SPOCK3: variants seen among roughly 807,000 people sequenced by gnomAD.
SPOCK3 encodes the protein SPARC (osteonectin), cwcv and kazal like domains proteoglycan 3, also known as testican-3.
In SPOCK3, 30 loss-of-function variants were observed where a neutral mutation model predicts 56.6. The observed-to-expected ratio is 0.53, with a 90% CI of 0.40 to 0.72. The LOEUF is 0.72. Ranked by LOEUF, SPOCK3 falls within the 30% of genes least tolerant of loss-of-function variation. SPOCK3 has a pLI of 0.00. For missense variants in SPOCK3, 527 were observed against 530.0 expected (o/e 0.99, Z 0.06); for synonymous variants, 196 against 183.3 (o/e 1.07, Z -0.56).
chr4:167,051,295 C>T (rs1480910996), intron 3 of SPOCK3, among the ~76,000 whole-genome samples: 4 of 152,152 alleles, frequency 2.6e-5, no homozygotes, highest in African/African-American at 9.7e-5. Context: ...CTGAGAATCA[C>T]TTCTCTAGCC....
At chr4:166,857,457 C>T (rs901652130) in intron 6 of SPOCK3, among the ~76,000 whole-genome samples, 6 of 152,270 alleles carry the variant, frequency 3.9e-5, no homozygotes, top group Admixed American at 1.3e-4. Flanking sequence ...GCTCCAGCTT[C>T]GGTATTTCAT....
chr4:167,095,597 A>G (rs1427943203), intron 2 of SPOCK3, among the ~76,000 whole-genome samples: 2 of 151,924 alleles, frequency 1.3e-5, no homozygotes, highest in Non-Finnish European at 2.9e-5. Context: ...GAAGTTACCA[A>G]TATCAAAATA....
At chr4:167,166,128 T>C (rs1361979740) in intron 2 of SPOCK3, among the ~76,000 whole-genome samples, 2 of 152,084 alleles carry the variant, frequency 1.3e-5, no homozygotes, top group Non-Finnish European at 2.9e-5. Context: ...GGAAAATTAC[T>C]ACTGTTATAA....
chr4:167,076,279 T>C (rs1188676713), intron 2 of SPOCK3, among the ~76,000 whole-genome samples: 2 of 151,846 alleles, frequency 1.3e-5, no homozygotes, highest in South Asian at 2.1e-4. Context: ...CAGTGAACCA[T>C]AATGTAAACT....
chr4:166,854,368 A>G (rs1282503532), intron 6 of SPOCK3, among the ~76,000 whole-genome samples: 2 of 152,326 alleles, frequency 1.3e-5, no homozygotes, highest in East Asian at 1.9e-4. Context: ...TCTATTTTCA[A>G]TTGTCCAAAT....
intron 4 of SPOCK3, among the ~76,000 whole-genome samples, chr4:166,963,210 G>A (rs1744337270): frequency 1.3e-5 from 2 of 151,906 alleles, no homozygotes; most frequent in Non-Finnish European, 2.9e-5. Flanking sequence ...TCCTGAACTT[G>A]ACTACCATTA....
intron 2 of SPOCK3, among the ~76,000 whole-genome samples, chr4:167,078,898 T>C (rs145350594): frequency 7.1e-4 from 108 of 152,052 alleles, no homozygotes; most frequent in African/African-American, 2.5e-3. Context: ...GTGCTCCCTG[T>C]ATGCCTGGAG....
chr4:167,217,977 G>C (rs1304566573), intron 2 of SPOCK3, among the ~76,000 whole-genome samples: 1 of 151,222 alleles, frequency 6.6e-6, no homozygotes, highest in African/African-American at 2.4e-5. Context: ...ACACAAATCA[G>C]AAACATCACA....
chr4:166,892,884 A>G (rs1283093401), intron 5 of SPOCK3, among the ~76,000 whole-genome samples: 2 of 152,118 alleles, frequency 1.3e-5, no homozygotes, highest in African/African-American at 4.8e-5. Context: ...GCGGCATATG[A>G]AAAAGAGCCC....
At chr4:167,140,952 CT>C (rs1763479794) in intron 2 of SPOCK3, among the ~76,000 whole-genome samples, 1 of 151,822 alleles carries the variant, frequency 6.6e-6, no homozygotes, top group Admixed American at 6.6e-5. Context: ...ACATATATAC[CT>C]TTTTTCTTGT....
At chr4:167,089,379 A>T (rs1478718355) in intron 2 of SPOCK3, among the ~76,000 whole-genome samples, 1 of 152,110 alleles carries the variant, frequency 6.6e-6, no homozygotes, top group South Asian at 2.1e-4. Flanking sequence ...TAATTTTCTA[A>T]TTTTTTCCCT....
chr4:166,949,722 C>T (rs530465361), intron 4 of SPOCK3, among the ~76,000 whole-genome samples: 7 of 152,148 alleles, frequency 4.6e-5, no homozygotes, highest in Non-Finnish European at 8.8e-5. Flanking sequence ...GAGGAGTACC[C>T]GGCTGTGTGA....
chr4:167,204,335 G>A (rs368867447), intron 2 of SPOCK3, among the ~76,000 whole-genome samples: 3 of 152,060 alleles, frequency 2.0e-5, no homozygotes, highest in East Asian at 1.9e-4. Context: ...AGAAATAGCC[G>A]AGACTGAATA....
In SPOCK3 at chr4:167,134,178, G is replaced by A. The variant is rs1279247044; in HGVS notation, c.190-71641C>T. On this transcript the variant is annotated intron_variant, in intron 2 of 10. Transcript: ENST00000357545. ...TGAGTAGCTGGGACTACAGGTGTGC[G>A]TCACTGAGCCTGGCTAGTTTTTTTT... Among the ~76,000 whole-genome samples, 8 of 150,878 alleles carry A rather than the reference G, an allele frequency of 5.3e-5. No individual in the cohort carries two copies. The East Asian group carries it at 5.8e-4, about 11-fold the overall frequency.
intron 6 of SPOCK3, among the ~76,000 whole-genome samples, chr4:166,859,585 C>T (rs1338967166): frequency 6.6e-6 from 1 of 152,072 alleles, no homozygotes; most frequent in African/African-American, 2.4e-5. Context: ...TATTTGTAAT[C>T]ACACACATAT....
intron 10 of SPOCK3, 41 bp from the exon 11 acceptor site, chr4:166,735,131 A>T: frequency 2.6e-6 from 3 of 1,154,614 alleles, no homozygotes; most frequent in Non-Finnish European, 3.7e-6. Flanking sequence ...TATTTGACTG[A>T]ATACTGTCAA....
At chr4:167,157,040 T>C (rs1764875413) in intron 2 of SPOCK3, among the ~76,000 whole-genome samples, 1 of 152,070 alleles carries the variant, frequency 6.6e-6, no homozygotes, top group Admixed American at 6.6e-5. Flanking sequence ...GTCAGTGCAT[T>C]ATTCTGGGAG....
chr4:167,198,321 G>T (rs956195752), intron 2 of SPOCK3, among the ~76,000 whole-genome samples: 2 of 152,054 alleles, frequency 1.3e-5, no homozygotes, highest in African/African-American at 4.8e-5. Context: ...ATCTGGAATG[G>T]CTATGGCCCT....
chr4:166,802,936 C>T (rs1742769163), intron 6 of SPOCK3, among the ~76,000 whole-genome samples: 1 of 152,038 alleles, frequency 6.6e-6, no homozygotes, highest in Admixed American at 6.6e-5. Flanking sequence ...AAAATTCCTC[C>T]AGGAATTGTC....
Sources: gnomAD v4.1 joint callset for allele counts (sites outside exome capture counted in the v4.1 genomes callset) on GRCh38, gnomAD v4.1.1 for gene constraint, MANE v1.5 for transcripts, NCBI Gene and HGNC (gene_info 2026-07-23, HGNC 2026-07-21) for gene names.